The following DAB1 variants were observed in gnomAD, a reference collection of about 807,000 sequenced individuals.
DAB1 encodes DAB adaptor protein 1.
A neutral mutation model predicts 64.6 loss-of-function variants in DAB1; 15 were observed. The ratio of observed to expected loss-of-function variants is 0.23; its 90% CI spans 0.16 to 0.36. DAB1 has a LOEUF of 0.36. Ranked by LOEUF, DAB1 falls within the 10% of genes least tolerant of loss-of-function variation. The pLI is 1.00. For synonymous variants in DAB1, 235 were observed against 251.9 expected (o/e 0.93, Z 0.64); for missense variants, 596 against 706.7 (o/e 0.84, Z 1.78).
downstream of DAB1, among the ~76,000 whole-genome samples, chr1:57,824,811 CA>C (rs530938054): frequency 4.0e-3 from 611 of 152,322 alleles, 2 homozygotes; most frequent in African/African-American, 0.014. Flanking sequence ...GAGATTCCAG[CA>C]GCAGCTGGGC....
intron 9 of DAB1, among the ~76,000 whole-genome samples, chr1:57,055,584 G>A (rs1649667100): frequency 6.6e-6 from 1 of 152,178 alleles, no homozygotes; most frequent in African/African-American, 2.4e-5. Context: ...ATGCACTCAG[G>A]TGAAGGAGAG....
intron 5 of DAB1, among the ~76,000 whole-genome samples, chr1:58,149,067 A>G (rs980750864): frequency 3.3e-5 from 5 of 152,158 alleles, no homozygotes; most frequent in African/African-American, 1.2e-4. Context: ...GTCACCCTAC[A>G]ACAGTAGTAA....
Position 58,370,123 on chromosome 1 carries a change from T to C in DAB1, n.258-26720A>G, listed in dbSNP as rs866511950. Among the ~76,000 whole-genome samples the C allele has an allele frequency of 9.2e-5, 14 of 152,314 alleles. 1 individual carries two copies. The Middle Eastern group carries it at 0.014, about 148-fold the overall frequency. ...TGAGGATTGCCAGTGTGGCATTGTC[T>C]ATAAAAGCAAAAACTAGGAGCACTC... On this transcript the variant is annotated intron_variant and non_coding_transcript_variant, in intron 3 of 20. Coordinates refer to the DAB1 transcript ENST00000485760.
intron 9 of DAB1, among the ~76,000 whole-genome samples, chr1:57,053,688 A>ATATATATCTTTT (rs1447741565): frequency 1.4e-5 from 1 of 71,422 alleles, no homozygotes; most frequent in Admixed American, 2.3e-4. Context: ...ATATATATAT[A>ATATATATCTTTT]TTTTTTTTTT....
chr1:57,120,039 T>C (rs1217147650), intron 4 of DAB1, among the ~76,000 whole-genome samples: 4 of 152,154 alleles, frequency 2.6e-5, no homozygotes, highest in Non-Finnish European at 4.4e-5. Flanking sequence ...TTCAGGTGAA[T>C]TTCTCTGCCT....
chr1:58,141,912 G>A (rs1654306761), intron 5 of DAB1, among the ~76,000 whole-genome samples: 1 of 152,104 alleles, frequency 6.6e-6, no homozygotes, highest in East Asian at 1.9e-4. Context: ...GCCTTTCCCT[G>A]ACCAACTTTC....
intron 3 of DAB1, among the ~76,000 whole-genome samples, chr1:58,498,985 T>TA (rs1569896852): frequency 6.6e-6 from 1 of 152,252 alleles, no homozygotes; most frequent in East Asian, 1.9e-4. Context: ...TCTGGAATGA[T>TA]AAAATAATTA....
chr1:57,157,373 C>T (rs565902970), intron 2 of DAB1, among the ~76,000 whole-genome samples: 10 of 152,238 alleles, frequency 6.6e-5, no homozygotes, highest in East Asian at 5.8e-4. Context: ...GTCTTATCAG[C>T]GCAGACCACT....
At chr1:57,283,740 GTGA>G (rs1303543470) in intron 2 of DAB1, among the ~76,000 whole-genome samples, 1 of 152,180 alleles carries the variant, frequency 6.6e-6, no homozygotes, top group Non-Finnish European at 1.5e-5. Context: ...TGTTAATGAG[GTGA>G]ATCCTAAGAA....
At chr1:57,070,991 A>T (rs1651403566) in intron 7 of DAB1, 32 bp downstream of exon 7, 1 of 1,591,292 alleles carries the variant, frequency 6.3e-7, no homozygotes, top group Admixed American at 1.7e-5. Context: ...GTCACTCTTG[A>T]ATCTAAAACC....
In DAB1 at chr1:58,332,582, G is replaced by A. The variant is rs75132175; in HGVS notation, n.309+10770C>T. Among the ~76,000 whole-genome samples the A allele has an allele frequency of 1.2e-3, 186 of 152,258 alleles. 2 individuals carry two copies. Among genetic ancestry groups the A allele is most frequent in the Non-Finnish European group, 2.4e-3 (162 of 68,012 alleles). Reference sequence around the variant, plus strand: ...AAAAATACTTGTTGTTAAAAATTGTGAAGAATGCCATCATTCTTCAAAGAA... The same window carrying A: ...AAAAATACTTGTTGTTAAAAATTGTAAAGAATGCCATCATTCTTCAAAGAA... On this transcript the variant is annotated intron_variant and non_coding_transcript_variant, in intron 4 of 20. Coordinates refer to the DAB1 transcript ENST00000485760.
chr1:57,288,497 G>A (rs1242160049), intron 2 of DAB1, among the ~76,000 whole-genome samples: 1 of 152,106 alleles, frequency 6.6e-6, no homozygotes, highest in Non-Finnish European at 1.5e-5. Context: ...AGAAGAGAAG[G>A]AAAGAGTTTG....
intron 7 of DAB1, among the ~76,000 whole-genome samples, chr1:57,635,184 A>T (rs1455058084): frequency 2.0e-5 from 3 of 152,196 alleles, no homozygotes; most frequent in Non-Finnish European, 2.9e-5. Flanking sequence ...GCCCCAATGC[A>T]AACATGATGT....
At chr1:58,149,681 C>T (rs1468387486) in intron 5 of DAB1, among the ~76,000 whole-genome samples, 3 of 151,266 alleles carry the variant, frequency 2.0e-5, no homozygotes, top group Admixed American at 6.6e-5. Context: ...GCTGCACATA[C>T]GCACACACAC....
chr1:57,235,252 T>A (rs1411097102), intron 2 of DAB1, among the ~76,000 whole-genome samples: 1 of 152,216 alleles, frequency 6.6e-6, no homozygotes, highest in African/African-American at 2.4e-5. Flanking sequence ...ACCTCTCAGA[T>A]CTCTCTATCA....
intron 6 of DAB1, among the ~76,000 whole-genome samples, chr1:57,694,757 A>G (rs1358501069): frequency 6.6e-6 from 1 of 152,138 alleles, no homozygotes; most frequent in Non-Finnish European, 1.5e-5. Context: ...ATAAATCCCC[A>G]TTATCCATCT....
chr1:57,716,403 G>T (rs1647084605), intron 6 of DAB1, among the ~76,000 whole-genome samples: 2 of 152,154 alleles, frequency 1.3e-5, no homozygotes, highest in Admixed American at 1.3e-4. Context: ...ATAGACCAGT[G>T]GAACAGTGTA....
chr1:57,358,736 AG>A (rs1264394998), intron 1 of DAB1, among the ~76,000 whole-genome samples: 1 of 151,958 alleles, frequency 6.6e-6, no homozygotes, highest in Non-Finnish European at 1.5e-5. Context: ...TATACTACAA[AG>A]CTACAGTAAC....
intron 7 of DAB1, among the ~76,000 whole-genome samples, chr1:57,498,434 A>G (rs1196860113): frequency 6.6e-6 from 1 of 152,210 alleles, no homozygotes; most frequent in African/African-American, 2.4e-5. Context: ...AGGAATAACC[A>G]GAGATAACTG....
Sources: gnomAD v4.1 joint callset for allele counts (sites outside exome capture counted in the v4.1 genomes callset) on GRCh38, gnomAD v4.1.1 for gene constraint, MANE v1.5 for transcripts, NCBI Gene and HGNC (gene_info 2026-07-23, HGNC 2026-07-21) for gene names.